LPP: variants seen among roughly 807,000 people sequenced by gnomAD.
LPP encodes LIM domain containing preferred translocation partner in lipoma, also known as lipoma-preferred partner.
A neutral mutation model predicts 60.4 loss-of-function variants in LPP; 38 were observed. The ratio of observed to expected loss-of-function variants is 0.63; its 90% confidence interval spans 0.49 to 0.83. The LOEUF is 0.83. LPP is among the 40% of genes least tolerant of loss of function. LPP has a pLI of 0.00. For missense variants in LPP, 902 were observed against 783.6 expected (o/e 1.15, Z -1.80); for synonymous variants, 328 against 290.8 (o/e 1.13, Z -1.30).
intron 6 of LPP, among the ~76,000 whole-genome samples, chr3:188,589,145 C>G (rs543964894): frequency 6.6e-6 from 1 of 151,562 alleles, no homozygotes; most frequent in African/African-American, 2.4e-5. Flanking sequence ...TATATATGTA[C>G]ATATATATGT....
chr3:188,540,858 T>C (rs975222636), intron 6 of LPP, among the ~76,000 whole-genome samples: 1 of 152,194 alleles, frequency 6.6e-6, no homozygotes, highest in Non-Finnish European at 1.5e-5. Context: ...TATCTACCTC[T>C]TTTCAGCTGG....
chr3:188,626,979 T>C (rs1846966649), intron 7 of LPP, among the ~76,000 whole-genome samples: 2 of 152,098 alleles, frequency 1.3e-5, no homozygotes, highest in Non-Finnish European at 2.9e-5. Context: ...AAAATAACAC[T>C]CTTATGAATT....
At position 188,329,052 on chromosome 3, in the gene LPP, A is replaced by G. The variant is rs140650276; in HGVS notation, c.-66-12611A>G. ...TTTTGTAGCATTAATGTAAATTTCA[A>G]CACAGGGAAACGGCTTCTTAGTATG... On this transcript the variant is annotated intron_variant, in intron 2 of 11. Transcript: ENST00000617246. Among the ~76,000 whole-genome samples, 1,131 of 152,284 alleles carry G rather than the reference A, an allele frequency of 7.4e-3. 7 individuals carry two copies. Among genetic ancestry groups the G allele is most frequent in the African/African-American group, 0.022 (907 of 41,554 alleles).
At position 188,313,530 on chromosome 3, in the gene LPP, C is replaced by T. The variant is rs909916624; in HGVS notation, c.-66-28133C>T. On this transcript the variant is annotated intron_variant, in intron 2 of 11. Coordinates refer to ENST00000617246, the MANE Select transcript of LPP (RefSeq NM_001375462.1). The stretch of plus-strand genomic sequence containing the variant: ...GCGGGCACCTGTAGTCCCAGCTACT[C>T]GGGAGGCTGAGGCAGGAGAATCGCT... Among the ~76,000 whole-genome samples, 170 of 151,272 alleles carry T rather than the reference C, an allele frequency of 1.1e-3. 1 individual carries two copies. Among genetic ancestry groups the T allele is most frequent in the African/African-American group, 3.8e-3 (155 of 41,156 alleles).
intron 2 of LPP, among the ~76,000 whole-genome samples, chr3:188,244,701 T>C (rs1726244450): frequency 6.6e-6 from 1 of 152,112 alleles, no homozygotes; most frequent in African/African-American, 2.4e-5. Flanking sequence ...CCGTGTCATC[T>C]CTGATAATCT....
rs1004222826 is a variant in LPP at position 188,441,609 on chromosome 3, CTTTTTTTTTTTTTT to C, written c.193+35312_193+35325del. On this transcript the variant is annotated intron_variant, in intron 4 of 11. Coordinates refer to ENST00000617246, the MANE Select transcript of LPP (RefSeq NM_001375462.1). ...ACAGTTTCTTTTTTTCTTTTCTTTT[CTTTTTTTTTTTTTT>C]TTTTTTTTTTTTTTTGAGATGGAGT... Among the ~76,000 whole-genome samples the C allele has an allele frequency of 1.8e-4, 10 of 55,672 alleles. No individual in the cohort carries two copies. The East Asian group carries it at 1.9e-3, about 11-fold the overall frequency. 36.5% of individuals were successfully genotyped at this position (55,672 alleles called of 152,430 possible).
intron 4 of LPP, among the ~76,000 whole-genome samples, chr3:188,461,884 C>T (rs558497858): frequency 1.3e-5 from 2 of 152,244 alleles, no homozygotes; most frequent in Non-Finnish European, 2.9e-5. Flanking sequence ...CTATCCCCTC[C>T]ACACCCATTT....
intron 9 of LPP, among the ~76,000 whole-genome samples, chr3:188,816,087 T>G (rs1752395089): frequency 6.6e-6 from 1 of 152,186 alleles, no homozygotes; most frequent in African/African-American, 2.4e-5. Context: ...ATTATTGATA[T>G]GAAATCAGAA....
intron 1 of LPP, among the ~76,000 whole-genome samples, chr3:188,175,825 CT>C (rs1179697779): frequency 6.6e-6 from 1 of 151,756 alleles, no homozygotes; most frequent in Non-Finnish European, 1.5e-5. Flanking sequence ...CATAGTTGGG[CT>C]TTTTTGTACA....
chr3:188,794,633 G>A (rs541665275), intron 9 of LPP, among the ~76,000 whole-genome samples: 1 of 152,242 alleles, frequency 6.6e-6, no homozygotes, highest in Non-Finnish European at 1.5e-5. Flanking sequence ...AAAAGAATTC[G>A]ATATCACCTA....
intron 2 of LPP, among the ~76,000 whole-genome samples, chr3:188,259,055 A>T (rs1308221482): frequency 1.3e-5 from 2 of 152,154 alleles, no homozygotes; most frequent in African/African-American, 2.4e-5. Context: ...CAGATTTTCA[A>T]CACAGAAGGG....
chr3:188,586,570 G>A (rs931872528), intron 6 of LPP, among the ~76,000 whole-genome samples: 2 of 152,144 alleles, frequency 1.3e-5, no homozygotes, highest in African/African-American at 4.8e-5. Flanking sequence ...AATTGTGTGT[G>A]AGGGTCCTCA....
intron 8 of LPP, among the ~76,000 whole-genome samples, chr3:188,733,449 A>G (rs1021877739): frequency 3.3e-5 from 5 of 152,208 alleles, no homozygotes; most frequent in African/African-American, 1.2e-4. Flanking sequence ...ATAAATCTGT[A>G]CTAAAATCAA....
intron 1 of LPP, among the ~76,000 whole-genome samples, chr3:188,181,474 A>G (rs900209089): frequency 6.6e-6 from 1 of 152,206 alleles, no homozygotes; most frequent in African/African-American, 2.4e-5. Flanking sequence ...CAGGTTGCCA[A>G]ACATTTTCTG....
intron 3 of LPP, among the ~76,000 whole-genome samples, chr3:188,405,133 C>T (rs1578649058): frequency 6.6e-6 from 1 of 152,182 alleles, no homozygotes; most frequent in African/African-American, 2.4e-5. Flanking sequence ...CTGACCTTTG[C>T]ATTACATGTG....
chr3:188,169,268 G>T (rs944129090), intron 1 of LPP, among the ~76,000 whole-genome samples: 3 of 152,138 alleles, frequency 2.0e-5, no homozygotes, highest in Non-Finnish European at 4.4e-5. Context: ...TGACATATTT[G>T]GTTTTATTTT....
At chr3:188,746,464 C>T (rs1726250667) in intron 8 of LPP, 1 of 480,422 alleles carries the variant, frequency 2.1e-6, no homozygotes, top group Admixed American at 2.3e-5. Flanking sequence ...TTTGTTGTAA[C>T]TATCTCTTCT....
At chr3:188,733,957 T>C (rs1721582893) in intron 8 of LPP, among the ~76,000 whole-genome samples, 1 of 152,180 alleles carries the variant, frequency 6.6e-6, no homozygotes, top group East Asian at 1.9e-4. Flanking sequence ...TGACTGTTTT[T>C]CCTTTTTCCT....
intron 9 of LPP, among the ~76,000 whole-genome samples, chr3:188,768,145 C>T (rs528740785): frequency 1.4e-4 from 21 of 152,118 alleles, no homozygotes; most frequent in African/African-American, 4.3e-4. Flanking sequence ...TGAATAAACT[C>T]GTAAAGACAG....
Sources: allele counts gnomAD v4.1 joint callset (sites outside exome capture counted in the v4.1 genomes callset), GRCh38; gene constraint gnomAD v4.1.1; transcripts MANE v1.5; gene names NCBI Gene and HGNC (gene_info 2026-07-23, HGNC 2026-07-21).